Variants in RHOT1 observed in about 807,000 individuals in gnomAD.
RHOT1 encodes mitochondrial Rho GTPase 1.
A neutral mutation model predicts 95.3 loss-of-function variants in RHOT1; 27 were observed. The ratio of observed to expected loss-of-function variants is 0.28; its 90% CI spans 0.21 to 0.39. The LOEUF (loss-of-function observed/expected upper bound fraction) is 0.39, where lower values mean the gene tolerates loss of function less well. RHOT1 is among the 10% of genes least tolerant of loss of function. The pLI, the probability that RHOT1 is intolerant of heterozygous loss-of-function variation, is 1.00. For synonymous variants in RHOT1, 227 were observed against 263.5 expected, an observed-to-expected ratio of 0.86 and a Z score of 1.34; for missense variants, 578 against 786.7, an observed-to-expected ratio of 0.73 and a Z score of 3.17.
chr17:32,172,370 A>T (rs2034646661), intron 2 of RHOT1, among the ~76,000 whole-genome samples: 1 of 152,288 alleles, frequency 6.6e-6, no homozygotes, highest in African/African-American at 2.4e-5. Flanking sequence ...TTTCTGTGAG[A>T]GTTTTAGTTT....
At chr17:32,161,109 A>C (rs903818793) in intron 1 of RHOT1, among the ~76,000 whole-genome samples, 1 of 152,218 alleles carries the variant, frequency 6.6e-6, no homozygotes, top group African/African-American at 2.4e-5. Context: ...TAATTAACAC[A>C]AGGCTGGCCA....
chr17:32,217,401 T>C (rs1022860903), intron 19 of RHOT1, among the ~76,000 whole-genome samples: 2 of 151,728 alleles, frequency 1.3e-5, no homozygotes, highest in South Asian at 2.1e-4. Context: ...ATTGGCTCAG[T>C]TAGGAGAATT....
chr17:32,151,754 C>T (rs928796691), intron 1 of RHOT1, among the ~76,000 whole-genome samples: 23 of 151,706 alleles, frequency 1.5e-4, no homozygotes, highest in Non-Finnish European at 2.9e-4. Context: ...TGGTGGTGGG[C>T]GCCTGTAATC....
At chr17:32,205,310 G>C (rs2037633739) in intron 16 of RHOT1, among the ~76,000 whole-genome samples, 1 of 151,968 alleles carries the variant, frequency 6.6e-6, no homozygotes, top group South Asian at 2.1e-4. Flanking sequence ...GAGAATGACG[G>C]CTTCCAGTTT....
At chr17:32,219,506 T>C (rs1168937322) in intron 19 of RHOT1, among the ~76,000 whole-genome samples, 1 of 152,226 alleles carries the variant, frequency 6.6e-6, no homozygotes, top group Non-Finnish European at 1.5e-5. Flanking sequence ...AGATATTCAG[T>C]GCAAAGGTAC....
intron 1 of RHOT1, among the ~76,000 whole-genome samples, chr17:32,149,617 A>ATGTGTGTGTGTGTGTGTGTGTGTG (rs1290539388): frequency 1.2e-5 from 1 of 83,684 alleles, no homozygotes; most frequent in African/African-American, 6.3e-5. Context: ...ATATATATAT[A>ATGTGTGTGTGTGTGTGTGTGTGTG]TATATATATA....
At chr17:32,168,223 G>A (rs1448483647) in intron 1 of RHOT1, among the ~76,000 whole-genome samples, 2 of 151,980 alleles carry the variant, frequency 1.3e-5, no homozygotes, top group Non-Finnish European at 2.9e-5. Flanking sequence ...CTGCTAACAT[G>A]ACATCCAGTT....
chr17:32,169,416 A>G (rs2034382053), intron 1 of RHOT1, among the ~76,000 whole-genome samples: 1 of 152,206 alleles, frequency 6.6e-6, no homozygotes, highest in South Asian at 2.1e-4. Context: ...AAAAGTTAAG[A>G]TTTTAAAGTT....
chr17:32,212,966 G>A (rs1347501818), intron 19 of RHOT1, among the ~76,000 whole-genome samples: 1 of 152,112 alleles, frequency 6.6e-6, no homozygotes, highest in Non-Finnish European at 1.5e-5. Flanking sequence ...AGAATAGAAA[G>A]CAGTGTTGCA....
chr17:32,175,076 G>C (rs1425071061), intron 3 of RHOT1, among the ~76,000 whole-genome samples: 1 of 152,186 alleles, frequency 6.6e-6, no homozygotes, highest in Non-Finnish European at 1.5e-5. Context: ...ACCAGATGCT[G>C]GCCTAGATTT....
intron 19 of RHOT1, 90 bp downstream of exon 19, chr17:32,211,328 C>T (rs1435967204): frequency 8.3e-7 from 1 of 1,208,664 alleles, no homozygotes; most frequent in African/African-American, 1.5e-5. Flanking sequence ...ATACTCACTA[C>T]AAAGACAAGC....
chr17:32,191,519 A>G (rs1449095634), intron 8 of RHOT1, among the ~76,000 whole-genome samples: 2 of 152,172 alleles, frequency 1.3e-5, no homozygotes, highest in Non-Finnish European at 2.9e-5. Flanking sequence ...CTTATTTTAA[A>G]ATAGTCATAT....
intron 1 of RHOT1, chr17:32,151,180 C>A: frequency 1.3e-6 from 1 of 774,420 alleles, no homozygotes; most frequent in Non-Finnish European, 2.4e-6. Flanking sequence ...AAGCTAGTTT[C>A]TCCTGAAGAT....
chr17:32,196,246 T>C (rs2036880093), intron 11 of RHOT1, among the ~76,000 whole-genome samples: 1 of 149,690 alleles, frequency 6.7e-6, no homozygotes, highest in African/African-American at 2.5e-5. Flanking sequence ...AATGCAGTGG[T>C]GTGACATGAT....
intron 4 of RHOT1, 73 bp downstream of exon 4, chr17:32,175,435 C>T: frequency 7.5e-7 from 1 of 1,340,350 alleles, no homozygotes; most frequent in Non-Finnish European, 1.1e-6. Flanking sequence ...CTGCCTTTTT[C>T]ATTCTCTTTG....
Position 32,171,033 on chromosome 17 carries a change from C to A in RHOT1, c.38-10C>A. 1 of 1,593,994 alleles carries A rather than the reference C, an allele frequency of 6.3e-7. No individual in the cohort carries two copies. The highest frequency in any genetic ancestry group is 8.6e-7 in the Non-Finnish European group (1 of 1,169,554). ...ACACTTTATTAAAGTAACGATTTTT[C>A]TTTTCACAGCTAGAGTTGGGAAGAC... On this transcript the variant is annotated splice_polypyrimidine_tract_variant and intron_variant, in intron 1 of 19. Coordinates refer to ENST00000545287, the MANE Select transcript of RHOT1 (RefSeq NM_001033566.3).
At chr17:32,206,452 T>TC (rs1172577402) in intron 16 of RHOT1, among the ~76,000 whole-genome samples, 2 of 121,850 alleles carry the variant, frequency 1.6e-5, no homozygotes, top group African/African-American at 6.3e-5. Context: ...TTTTTTTTTT[T>TC]TTTTTTTTTT....
chr17:32,174,008 T>A (rs1598351325), intron 3 of RHOT1, 96 bp downstream of exon 3: 1 of 870,326 alleles, frequency 1.1e-6, no homozygotes, highest in East Asian at 2.4e-5. Context: ...AGAGAGGTGG[T>A]CTTTTCTCTG....
At position 32,225,356 on chromosome 17, in the gene RHOT1, A is replaced by C. The variant is rs1437304096; in HGVS notation, c.*623A>C. The C allele has an allele frequency of 6.6e-6, 1 of 152,656 alleles. No homozygotes were observed. Among genetic ancestry groups the C allele is most frequent in the Middle Eastern group, 3.2e-3 (1 of 316 alleles). 9.5% of individuals were successfully genotyped at this position (152,656 alleles called of 1,614,324 possible). On this transcript the variant is annotated 3_prime_UTR_variant, in exon 20 of 20. Transcript: ENST00000545287. ...ACCTTTAAGGGTGAAGTTAGGTAAA[A>C]GCAATTAGCAGAGGCGTTATCTATG...
Sources: allele counts gnomAD v4.1 joint callset (sites outside exome capture counted in the v4.1 genomes callset), GRCh38; gene constraint gnomAD v4.1.1; transcripts MANE v1.5; gene names NCBI Gene and HGNC (gene_info 2026-07-23, HGNC 2026-07-21).